The following TENM1 variants were observed in gnomAD, a reference collection of about 807,000 sequenced individuals.
TENM1 encodes the protein teneurin-1.
In TENM1, 35 loss-of-function variants were observed where a neutral mutation model predicts 174.8. That is an observed-to-expected ratio of 0.20 (90% confidence interval 0.15 to 0.27). The LOEUF (loss-of-function observed/expected upper bound fraction) is 0.27, where lower values mean the gene tolerates loss of function less well. Among genes scored for constraint, TENM1 ranks in the 10% least tolerant of loss-of-function variants. The pLI is 1.00. For missense variants in TENM1, 1,633 were observed against 2,130.1 expected, an observed-to-expected ratio of 0.77 and a Z score of 4.59; for synonymous variants, 781 against 798.7, an observed-to-expected ratio of 0.98 and a Z score of 0.37.
the TENM1 span, among the ~76,000 whole-genome samples, chrX:125,106,970 G>T: frequency 2.3e-4 from 26 of 111,913 alleles, no homozygotes; most frequent in East Asian, 1.7e-3. Context: ...CAGAATGATA[G>T]TCAGAAAACT....
intron 4 of TENM1, among the ~76,000 whole-genome samples, chrX:124,723,121 C>T (rs979157403): frequency 3.6e-5 from 4 of 111,372 alleles, no homozygotes; most frequent in African/African-American, 1.3e-4. Context: ...AAGTTTTGCC[C>T]TGATTCAGTC....
At chrX:124,839,549 G>C (rs865916085) in intron 3 of TENM1, among the ~76,000 whole-genome samples, 3 of 111,227 alleles carry the variant, frequency 2.7e-5, no homozygotes, top group Non-Finnish European at 3.8e-5. Context: ...GAAAAGACTA[G>C]GGAAAGAAAA....
chrX:124,769,892 G>A (rs1323901739), intron 3 of TENM1, among the ~76,000 whole-genome samples: 1 of 111,577 alleles, frequency 9.0e-6, no homozygotes, highest in Admixed American at 9.6e-5. Flanking sequence ...TCCTTAAAAA[G>A]TTGACCTATG....
intron 3 of TENM1, among the ~76,000 whole-genome samples, chrX:124,873,591 G>A (rs2057146899): frequency 9.0e-6 from 1 of 111,344 alleles, no homozygotes; most frequent in Non-Finnish European, 1.9e-5. Context: ...TGGATTCATT[G>A]TGAACTGGGT....
rs899166707 is a variant in TENM1, at chrX:124,589,185, G to C, written c.2078-23625C>G. Among the ~76,000 whole-genome samples, 9 of 108,405 alleles carry C rather than the reference G, an allele frequency of 8.3e-5. No homozygotes were observed. In the East Asian group the frequency reaches 8.8e-4, roughly 11 times the overall value. 94.1% of individuals were successfully genotyped at this position (108,405 alleles called of 115,157 possible). ...ATGGTCATATGACTTTTGTTTTTAA[G>C]ATGAATCACATCTATTGATTTGTAT... On this transcript the variant is annotated intron_variant, in intron 11 of 31. Transcript: ENST00000422452.
intron 3 of TENM1, among the ~76,000 whole-genome samples, chrX:124,793,331 C>G (rs1603205926): frequency 9.0e-6 from 1 of 111,194 alleles, no homozygotes; most frequent in African/African-American, 3.3e-5. Context: ...TAAAATAGAA[C>G]AAAATCACAG....
chrX:124,452,887 A>G (rs1243971011), intron 23 of TENM1, among the ~76,000 whole-genome samples: 15 of 105,105 alleles, frequency 1.4e-4, no homozygotes, highest in Non-Finnish European at 7.8e-5. Flanking sequence ...GGGAGGGATA[A>G]CTTTAGGAGA....
exon 32 of TENM1, chrX:124,380,883 C>T: frequency 1.7e-6 from 2 of 1,211,743 alleles, no homozygotes; most frequent in Non-Finnish European, 2.2e-6. Context: ...CCATTCAACA[C>T]AGAAGTCATC....
At chrX:124,557,655 C>A (rs758900426) in intron 14 of TENM1, among the ~76,000 whole-genome samples, 56 of 111,250 alleles carry the variant, frequency 5.0e-4, no homozygotes, top group African/African-American at 1.0e-3. Context: ...TTATAATATA[C>A]TAAATTTTGT....
At chrX:125,058,961 C>G in the TENM1 span, among the ~76,000 whole-genome samples, 1 of 106,460 alleles carries the variant, frequency 9.4e-6, no homozygotes, top group Non-Finnish European at 1.9e-5. Context: ...ATCTCTACAA[C>G]TAAGTTTAGA....
intron 27 of TENM1, among the ~76,000 whole-genome samples, chrX:124,404,567 CTT>C (rs2060440555): frequency 9.7e-6 from 1 of 103,257 alleles, no homozygotes; most frequent in African/African-American, 3.6e-5. Flanking sequence ...GATTTTTCCT[CTT>C]GTCTTTGCCC....
chrX:124,795,730 C>A (rs950437081), intron 3 of TENM1, among the ~76,000 whole-genome samples: 1 of 108,509 alleles, frequency 9.2e-6, no homozygotes, highest in Non-Finnish European at 1.9e-5. Flanking sequence ...TAAATTTAGG[C>A]GGTGGTTTCT....
intron 14 of TENM1, among the ~76,000 whole-genome samples, chrX:124,556,747 C>G (rs1293680690): frequency 9.0e-6 from 1 of 111,575 alleles, no homozygotes; most frequent in Non-Finnish European, 1.9e-5. Context: ...CCAGGACCCT[C>G]AGTTATATCA....
At chrX:124,704,719 G>A (rs1256429630) in intron 5 of TENM1, among the ~76,000 whole-genome samples, 1 of 110,777 alleles carries the variant, frequency 9.0e-6, no homozygotes, top group African/African-American at 3.3e-5. Context: ...ACTTCTAATG[G>A]GAAAACCATA....
chrX:124,467,748 C>T (rs1177268423), intron 22 of TENM1, among the ~76,000 whole-genome samples: 1 of 111,408 alleles, frequency 9.0e-6, no homozygotes, highest in African/African-American at 3.3e-5. Flanking sequence ...TTTCTAAACC[C>T]TAGTTTTGTT....
chrX:125,104,439 C>G, the TENM1 span, among the ~76,000 whole-genome samples: 1 of 111,721 alleles, frequency 9.0e-6, no homozygotes, highest in Non-Finnish European at 1.9e-5. Context: ...TTACAAAAGC[C>G]TAGGGAAACT....
chrX:124,563,576 T>C (rs1381697806), intron 13 of TENM1, among the ~76,000 whole-genome samples, 173 bp downstream of exon 16: 1 of 110,243 alleles, frequency 9.1e-6, no homozygotes. Flanking sequence ...AAAAACAAAT[T>C]ACCTTTTAGT....
At chrX:124,591,549 C>T (rs2049743201) in intron 11 of TENM1, among the ~76,000 whole-genome samples, 1 of 111,569 alleles carries the variant, frequency 9.0e-6, no homozygotes, top group South Asian at 3.7e-4. Flanking sequence ...GAAAACAGGC[C>T]CCTAATCTCT....
intron 11 of TENM1, among the ~76,000 whole-genome samples, chrX:124,589,352 TTTGTTGTTGTTG>T (rs200125468): frequency 0.013 from 1,373 of 104,748 alleles, 12 homozygotes; most frequent in Middle Eastern, 0.028. Context: ...TGGCCTGTAG[TTTGTTGTTGTTG>T]TTGTTGTTGT....
Sources: gnomAD v4.1 joint callset for allele counts (sites outside exome capture counted in the v4.1 genomes callset) on GRCh38, gnomAD v4.1.1 for gene constraint, MANE v1.5 for transcripts, NCBI Gene and HGNC (gene_info 2026-07-23, HGNC 2026-07-21) for gene names.